Variants in YTHDF2 observed in about 807,000 individuals in gnomAD.
YTHDF2 encodes YTH N6-methyladenosine RNA binding protein F2.
Under a neutral mutation model 50.4 loss-of-function variants are expected in YTHDF2, and 2 were observed. That is an observed-to-expected ratio of 0.04 (90% CI 0.02 to 0.12). The LOEUF (loss-of-function observed/expected upper bound fraction) is 0.12, where lower values mean the gene tolerates loss of function less well. YTHDF2 is among the 10% of genes least tolerant of loss of function. The probability of loss-of-function intolerance (pLI) is 1.00; values close to 1 mark genes in which losing one functional copy is unlikely to be tolerated. For synonymous variants in YTHDF2, 217 were observed against 255.6 expected (o/e 0.85, Z 1.44); for missense variants, 483 against 722.6 (o/e 0.67, Z 3.80).
At chr1:28,738,522 C>G (rs992074618) in intron 3 of YTHDF2, among the ~76,000 whole-genome samples, 184 bp downstream of exon 3, 1 of 152,082 alleles carries the variant, frequency 6.6e-6, no homozygotes, top group Non-Finnish European at 1.5e-5. Flanking sequence ...TCGGCTCGCT[C>G]CAACTTCCGC....
chr1:28,767,533 G>C (rs2088236442), intron 4 of YTHDF2, among the ~76,000 whole-genome samples: 1 of 151,830 alleles, frequency 6.6e-6, no homozygotes, highest in South Asian at 2.1e-4. Context: ...TTTTGAGATA[G>C]AGTCTCGCTT....
rs182919295 is a variant in YTHDF2 at position 28,767,601 on chromosome 1, C to T, written c.1717-1328C>T. On this transcript the variant is annotated intron_variant, in intron 4 of 4. Transcript: ENST00000373812. Reference sequence around the variant, plus strand: ...TCGGCTCACTGCAAGCTCCGCCTTCCGGGTTCACGCCATTCTCCTGCCTGA... The same window carrying T: ...TCGGCTCACTGCAAGCTCCGCCTTCTGGGTTCACGCCATTCTCCTGCCTGA... 5.5e-3 allele frequency among the ~76,000 whole-genome samples: 834 copies of T among 152,138 alleles called. 5 individuals carry two copies. Among genetic ancestry groups the T allele is most frequent in the African/African-American group, 0.019 (804 of 41,538 alleles).
At position 28,737,689 on chromosome 1, in the gene YTHDF2, C is replaced by A; in HGVS notation, c.52+7C>A. 2 of 1,613,822 alleles carry A rather than the reference C, an allele frequency of 1.2e-6. No homozygotes were observed. Among genetic ancestry groups the A allele is most frequent in the East Asian group, 2.2e-5 (1 of 44,870 alleles). On this transcript the variant is annotated splice_region_variant and intron_variant, in intron 2 of 4. Transcript: ENST00000373812. ...AAAGGTCAAGGAAACAAAGGTAAGTCCCGCTCCGCCGGTGGCCCTGAGCCG... is the reference window on the plus strand; with the variant it reads ...AAAGGTCAAGGAAACAAAGGTAAGTACCGCTCCGCCGGTGGCCCTGAGCCG...
chr1:28,741,205 C>A (rs2087770624), intron 3 of YTHDF2, among the ~76,000 whole-genome samples: 1 of 151,726 alleles, frequency 6.6e-6, no homozygotes, highest in Non-Finnish European at 1.5e-5. Flanking sequence ...ACCATGTTGG[C>A]CGGGCTGGTC....
intron 3 of YTHDF2, chr1:28,738,968 C>A (rs2087737088): frequency 6.6e-6 from 1 of 152,230 alleles, no homozygotes; most frequent in Non-Finnish European, 1.5e-5. Flanking sequence ...TAATTGTCTT[C>A]TTCCTTACCA....
intron 4 of YTHDF2, among the ~76,000 whole-genome samples, chr1:28,762,209 G>T (rs532312106): frequency 6.6e-6 from 1 of 152,194 alleles, no homozygotes; most frequent in East Asian, 1.9e-4. Flanking sequence ...TGGCTAACAC[G>T]GTGAAACCCC....
chr1:28,745,339 G>A (rs997015806), intron 4 of YTHDF2, among the ~76,000 whole-genome samples: 2 of 152,110 alleles, frequency 1.3e-5, no homozygotes, highest in Non-Finnish European at 2.9e-5. Flanking sequence ...AAAAGCATTG[G>A]GAATGGAGAA....
chr1:28,769,714 G>A lies in YTHDF2; in HGVS notation c.*762G>A, dbSNP rs1007008308. 2.0e-5 allele frequency: 3 copies of A among 152,632 alleles called. No homozygotes were observed. Among genetic ancestry groups the A allele is most frequent in the Non-Finnish European group, 4.4e-5 (3 of 68,036 alleles). The allele number at this position is 152,632 out of a possible 1,614,324, so 9.5% of individuals were successfully genotyped here. A position where few individuals can be genotyped will look rare whatever the true frequency, so the allele number is the denominator to read the frequency against. On this transcript the variant is annotated 3_prime_UTR_variant, in exon 5 of 5. Coordinates refer to ENST00000373812, the MANE Select transcript of YTHDF2 (RefSeq NM_016258.3). ...TTCTTGTTCAGCCAATGAGGAAAGG[G>A]CATTGCCTTTCTTTTTACCATTAAT...
In YTHDF2 at chr1:28,742,766, G is replaced by A; in HGVS notation, c.496G>A (p.Asp166Asn). 6.2e-7 allele frequency: 1 copy of A among 1,614,182 alleles called. No individual in the cohort carries two copies. The highest frequency in any genetic ancestry group is 8.5e-7 in the Non-Finnish European group (1 of 1,180,038). ...APSSLGGAMI[D>N]GQSAFANETL... Reference sequence around the variant, plus strand: ...TAGCTCCTTAGGTGGAGCCATGATTGATGGACAGTCAGCTTTTGCCAATGA... The same window carrying A: ...TAGCTCCTTAGGTGGAGCCATGATTAATGGACAGTCAGCTTTTGCCAATGA... Residue 166 changes from aspartate (D) to asparagine (N), a missense_variant, in exon 4 of 5, where the codon GAT (aspartate) becomes AAT (asparagine). Asp to Asn is a conservative substitution (Grantham distance 23, BLOSUM62 1). Around this residue, in one of 4 missense-constraint regions of YTHDF2, gnomAD observed 385 missense variants for 475.8 expected, o/e 0.81. Coordinates refer to ENST00000373812, the MANE Select transcript of YTHDF2 (RefSeq NM_016258.3).
intron 4 of YTHDF2, among the ~76,000 whole-genome samples, chr1:28,761,924 G>A (rs1240186475): frequency 1.3e-5 from 2 of 152,122 alleles, no homozygotes; most frequent in Non-Finnish European, 2.9e-5. Flanking sequence ...TCTGGGGGAA[G>A]TTAGCATCTT....
upstream of YTHDF2, chr1:28,736,866 C>T (rs2087695229): frequency 1.1e-5 from 4 of 368,892 alleles, no homozygotes; most frequent in Admixed American, 5.0e-5. Flanking sequence ...CTCCGCTGTT[C>T]GGCGCTCTGC....
At chr1:28,751,628 G>T (rs945130230) in intron 4 of YTHDF2, among the ~76,000 whole-genome samples, 1 of 152,188 alleles carries the variant, frequency 6.6e-6, no homozygotes, top group African/African-American at 2.4e-5. Context: ...GACTAGAAGA[G>T]AATAGATAAC....
Position 28,736,949 on chromosome 1 carries a change from C to T in YTHDF2, c.-172C>T. 1 of 750,666 alleles carries T rather than the reference C, an allele frequency of 1.3e-6. No individual in the cohort carries two copies. The highest frequency in any genetic ancestry group is 2.7e-5 in the Admixed American group (1 of 37,722). 46.5% of individuals were successfully genotyped at this position (750,666 alleles called of 1,614,324 possible). On this transcript the variant is annotated 5_prime_UTR_variant, in exon 1 of 5. Coordinates refer to ENST00000373812, the MANE Select transcript of YTHDF2 (RefSeq NM_016258.3). Reference sequence around the variant, plus strand: ...ATTGAGCTCTTGGGCTAGAGCGTCGCCGAGTCGGAGCCGGAGCCTGAGCCG... The same window carrying T: ...ATTGAGCTCTTGGGCTAGAGCGTCGTCGAGTCGGAGCCGGAGCCTGAGCCG...
chr1:28,742,649 A>G lies in YTHDF2; in HGVS notation c.379A>G (p.Ser127Gly), dbSNP rs762653488. 10 of 1,614,094 alleles carry G rather than the reference A, an allele frequency of 6.2e-6. No homozygotes were observed. The highest frequency in any genetic ancestry group is 2.2e-5 in the East Asian group (1 of 44,876). Residue 127 changes from serine to glycine, a missense_variant, in exon 4 of 5, where the codon AGT becomes GGT. By Grantham distance (56) the Ser-to-Gly change is moderately conservative. This residue lies in a region of YTHDF2 where 385 missense variants were observed against 475.8 expected (regional missense o/e 0.81). Coordinates refer to ENST00000373812, the MANE Select transcript of YTHDF2 (RefSeq NM_016258.3). The part of the protein sequence containing the change: ...LGQHGFNFFP[S>G]GIDFSAWGNN... ...TCAGCATGGTTTTAATTTCTTTCCC[A>G]GTGGGATTGACTTCTCAGCATGGGG...
chr1:28,759,225 T>C (rs1215200870), intron 4 of YTHDF2, among the ~76,000 whole-genome samples: 6 of 152,186 alleles, frequency 3.9e-5, no homozygotes, highest in African/African-American at 1.2e-4. Context: ...GCATGAATTA[T>C]GGATTTTGTG....
intron 1 of YTHDF2, 88 bp downstream of exon 1, chr1:28,737,235 A>G: frequency 4.8e-6 from 7 of 1,453,996 alleles, no homozygotes; most frequent in East Asian, 2.8e-5. Flanking sequence ...GGGCAGGCCG[A>G]GCCGAGCCGA....
rs549118209 is a variant in YTHDF2 at position 28,767,005 on chromosome 1, A to ATT, written c.1717-1908_1717-1907dup. ...TGCCACCACCATGCCTAATTAAAAG[A>ATT]TTTTTTTTTTTTTTTTTGTAGAGAC... On this transcript the variant is annotated intron_variant, in intron 4 of 4. Transcript: ENST00000373812. Among the ~76,000 whole-genome samples the ATT allele has an allele frequency of 1.7e-3, 223 of 131,920 alleles. 1 individual carries two copies. Among genetic ancestry groups the ATT allele is most frequent in the African/African-American group, 5.6e-3 (193 of 34,654 alleles). 86.5% of individuals were successfully genotyped at this position (131,920 alleles called of 152,430 possible).
intron 4 of YTHDF2, among the ~76,000 whole-genome samples, chr1:28,753,662 A>T (rs1464561211): frequency 2.6e-5 from 4 of 151,194 alleles, no homozygotes; most frequent in Non-Finnish European, 4.4e-5. Context: ...AACGCTGGAG[A>T]GATTGGTTGG....
intron 4 of YTHDF2, among the ~76,000 whole-genome samples, chr1:28,768,463 G>A (rs2088253891): frequency 6.6e-6 from 1 of 151,946 alleles, no homozygotes; most frequent in Non-Finnish European, 1.5e-5. Flanking sequence ...ATAACCCTGT[G>A]AGATACTTAC....
Sources: gnomAD v4.1 joint callset for allele counts (sites outside exome capture counted in the v4.1 genomes callset) on GRCh38, gnomAD v4.1.1 for gene constraint, gnomAD v4.1.1 regional missense constraint, MANE v1.5 for transcripts, NCBI Gene and HGNC (gene_info 2026-07-23, HGNC 2026-07-21) for gene names.